CARMIL1: variants seen among roughly 807,000 people sequenced by gnomAD.
CARMIL1 encodes F-actin-uncapping protein LRRC16A.
A neutral mutation model predicts 177.1 loss-of-function variants in CARMIL1; 90 were observed. The ratio of observed to expected loss-of-function variants is 0.51; its 90% CI spans 0.43 to 0.61. The LOEUF (loss-of-function observed/expected upper bound fraction) is 0.61, where lower values mean the gene tolerates loss of function less well. CARMIL1 is among the 20% of genes least tolerant of loss of function. CARMIL1 has a pLI of 0.00. For missense variants in CARMIL1, 1,380 were observed against 1,667.0 expected (o/e 0.83, Z 3.00); for synonymous variants, 577 against 606.2 (o/e 0.95, Z 0.71).
intron 2 of CARMIL1, among the ~76,000 whole-genome samples, chr6:25,329,015 G>C (rs1785366700): frequency 6.6e-6 from 1 of 152,106 alleles, no homozygotes; most frequent in Admixed American, 6.6e-5. Context: ...TGTCATGTTG[G>C]AGAAGACAAA....
At chr6:25,352,147 T>G (rs1359384098) in intron 2 of CARMIL1, among the ~76,000 whole-genome samples, 1 of 58,018 alleles carries the variant, frequency 1.7e-5, no homozygotes, top group Non-Finnish European at 3.2e-5. Context: ...ATGTATTGGA[T>G]ACAGTAAAAA....
At chr6:25,551,376 T>C (rs923414420) in intron 27 of CARMIL1, among the ~76,000 whole-genome samples, 2 of 152,224 alleles carry the variant, frequency 1.3e-5, no homozygotes, top group African/African-American at 2.4e-5. Flanking sequence ...GTTTTCTGTT[T>C]CTGAAGTTTA....
Position 25,515,721 on chromosome 6 carries a change from T to C in CARMIL1, c.1679T>C (p.Val560Ala). 1 of 1,609,482 alleles carries C rather than the reference T, an allele frequency of 6.2e-7. No individual in the cohort carries two copies. Among genetic ancestry groups the C allele is most frequent in the Non-Finnish European group, 8.5e-7 (1 of 1,178,212 alleles). ...SLADSKLKTE[V>A]TIIINALGSN... ...GCTGACTCGAAACTCAAGACTGAGG[T>C]CACCATCATCATCAATGCCCTGGGA... is the stretch of plus-strand genomic sequence containing the variant. Residue 560 changes from valine (V) to alanine (A), a missense_variant, in exon 21 of 37, where the codon GTC becomes GCC. Val to Ala is a moderately conservative substitution (Grantham distance 64, BLOSUM62 0). Coordinates refer to ENST00000329474, the MANE Select transcript of CARMIL1 (RefSeq NM_017640.6). This position sits in a 1 kb window ranked among gnomAD's most constrained non-coding sequence, Gnocchi z 5.0.
intron 26 of CARMIL1, among the ~76,000 whole-genome samples, chr6:25,548,501 AT>A (rs893046002): frequency 3.3e-5 from 5 of 152,052 alleles, no homozygotes; most frequent in African/African-American, 1.2e-4. Context: ...TGTATAGGTG[AT>A]TGTAGATAAA....
chr6:25,579,876 A>G (rs1283468088), intron 29 of CARMIL1, among the ~76,000 whole-genome samples: 1 of 152,204 alleles, frequency 6.6e-6, no homozygotes, highest in Non-Finnish European at 1.5e-5. Flanking sequence ...CCTTGGAGCT[A>G]AAGAATGTTT....
At chr6:25,356,470 A>T (rs1222449135) in intron 2 of CARMIL1, among the ~76,000 whole-genome samples, 1 of 152,196 alleles carries the variant, frequency 6.6e-6, no homozygotes, top group Non-Finnish European at 1.5e-5. Context: ...AAAACCAGAG[A>T]TTTGGTTTAA....
chr6:25,596,101 A>G (rs373794802), intron 32 of CARMIL1, among the ~76,000 whole-genome samples: 1 of 152,032 alleles, frequency 6.6e-6, no homozygotes, highest in East Asian at 1.9e-4. Flanking sequence ...TCCCAGTGTG[A>G]TTTTCTCTCC....
intron 29 of CARMIL1, among the ~76,000 whole-genome samples, chr6:25,568,711 G>C (rs954328470): frequency 1.3e-5 from 2 of 152,102 alleles, no homozygotes; most frequent in African/African-American, 2.4e-5. Context: ...AGATTTCAGA[G>C]CATTCTTTAT....
At chr6:25,492,419 T>C (rs1562211390) in intron 15 of CARMIL1, among the ~76,000 whole-genome samples, 1 of 152,228 alleles carries the variant, frequency 6.6e-6, no homozygotes, top group Non-Finnish European at 1.5e-5. Flanking sequence ...TTTTCACTTG[T>C]AGAAGTAATC....
intron 21 of CARMIL1, among the ~76,000 whole-genome samples, chr6:25,516,620 A>G (rs536622638): frequency 1.2e-4 from 19 of 152,342 alleles, no homozygotes; most frequent in Admixed American, 1.2e-3. Context: ...GAAGGCAGTG[A>G]AAGTTGTGAG....
At chr6:25,284,437 C>T (rs531562193) in intron 1 of CARMIL1, among the ~76,000 whole-genome samples, 2 of 152,314 alleles carry the variant, frequency 1.3e-5, no homozygotes, top group Non-Finnish European at 2.9e-5. Flanking sequence ...CGGTCGGGCA[C>T]GGTGGCTCAT....
rs182776314 is a variant in CARMIL1 at position 25,363,821 on chromosome 6, C to T, written c.139-56293C>T. Among the ~76,000 whole-genome samples, 141 of 152,296 alleles carry T rather than the reference C, an allele frequency of 9.3e-4. 1 individual carries two copies. The highest frequency in any genetic ancestry group is 3.2e-3 in the African/African-American group (133 of 41,572). On this transcript the variant is annotated intron_variant, in intron 2 of 36. Transcript: ENST00000329474. ...TGTGTCCCTTTCACCCAGTTTCTCC[C>T]AATGGTAACGTGTTGCCTAACAGTA... is the stretch of plus-strand genomic sequence containing the variant.
At chr6:25,420,674 T>TAG (rs1177627197) in intron 3 of CARMIL1, among the ~76,000 whole-genome samples, 1 of 152,252 alleles carries the variant, frequency 6.6e-6, no homozygotes, top group Admixed American at 6.5e-5. Flanking sequence ...GTTCTCCGTC[T>TAG]ACTCTGATGT....
At chr6:25,618,673 G>C (rs1392432665) in intron 36 of CARMIL1, among the ~76,000 whole-genome samples, 1 of 152,204 alleles carries the variant, frequency 6.6e-6, no homozygotes, top group African/African-American at 2.4e-5. Flanking sequence ...AAAACAGAGA[G>C]TGCCTAACAC....
At chr6:25,424,655 A>C (rs1334661771) in intron 3 of CARMIL1, among the ~76,000 whole-genome samples, 2 of 152,228 alleles carry the variant, frequency 1.3e-5, no homozygotes, top group Non-Finnish European at 2.9e-5. Context: ...ATGTAGCAAT[A>C]AAATATGAGT....
chr6:25,418,446 G>T (rs1795553848), intron 2 of CARMIL1, among the ~76,000 whole-genome samples: 1 of 151,700 alleles, frequency 6.6e-6, no homozygotes, highest in South Asian at 2.1e-4. Flanking sequence ...AGCTGCACTT[G>T]ACCTCCCCGC....
intron 2 of CARMIL1, among the ~76,000 whole-genome samples, chr6:25,318,603 A>T (rs1199006450): frequency 6.6e-6 from 1 of 152,058 alleles, no homozygotes; most frequent in Non-Finnish European, 1.5e-5. Flanking sequence ...GTTTTCTACC[A>T]CTAGAGGAGA....
At chr6:25,485,698 G>A (rs1288836130) in intron 12 of CARMIL1, among the ~76,000 whole-genome samples, 1 of 152,164 alleles carries the variant, frequency 6.6e-6, no homozygotes, top group African/African-American at 2.4e-5. Context: ...GCCTCCCAAA[G>A]TGCTGGGATT....
intron 2 of CARMIL1, among the ~76,000 whole-genome samples, chr6:25,353,071 C>T (rs1278952567): frequency 6.6e-6 from 1 of 152,184 alleles, no homozygotes; most frequent in East Asian, 1.9e-4. Context: ...GCTTTACCCA[C>T]CAACTGTAGG....
Sources: gnomAD v4.1 joint callset for allele counts (sites outside exome capture counted in the v4.1 genomes callset) on GRCh38, gnomAD v4.1.1 for gene constraint, Gnocchi (gnomAD v3.1) non-coding constraint, MANE v1.5 for transcripts, NCBI Gene and HGNC (gene_info 2026-07-23, HGNC 2026-07-21) for gene names.